The following ZNF532 variants were observed in gnomAD, a reference collection of about 807,000 sequenced individuals.
The protein encoded by ZNF532 is zinc finger protein 532.
Under a neutral mutation model 89.3 loss-of-function variants are expected in ZNF532, and 22 were observed. The observed-to-expected ratio is 0.25, with a 90% confidence interval of 0.18 to 0.35. The LOEUF is 0.35. Among genes scored for constraint, ZNF532 ranks in the 10% least tolerant of loss-of-function variants. The probability of loss-of-function intolerance (pLI) is 1.00; values close to 1 mark genes in which losing one functional copy is unlikely to be tolerated. For synonymous variants in ZNF532, 606 were observed against 649.6 expected (o/e 0.93, Z 1.02); for missense variants, 1,132 against 1,643.4 (o/e 0.69, Z 5.38).
At chr18:58,908,160 G>C (rs2060052055) in intron 2 of ZNF532, among the ~76,000 whole-genome samples, 1 of 152,190 alleles carries the variant, frequency 6.6e-6, no homozygotes, top group South Asian at 2.1e-4. Context: ...CCCTGGGGTT[G>C]AGTGTATGCT....
chr18:58,965,796 C>T (rs988785045), intron 7 of ZNF532, among the ~76,000 whole-genome samples: 1 of 152,138 alleles, frequency 6.6e-6, no homozygotes, highest in Non-Finnish European at 1.5e-5. Context: ...TTTAGAGTGG[C>T]TTGAATTTAG....
intron 3 of ZNF532, among the ~76,000 whole-genome samples, chr18:58,923,665 T>A (rs1292391924): frequency 6.6e-6 from 1 of 152,202 alleles, no homozygotes; most frequent in African/African-American, 2.4e-5. Context: ...CCTTCTCGTT[T>A]GCCAGTCACA....
At chr18:58,952,578 A>C (rs2064321002) in intron 6 of ZNF532, among the ~76,000 whole-genome samples, 1 of 151,926 alleles carries the variant, frequency 6.6e-6, no homozygotes, top group Non-Finnish European at 1.5e-5. Flanking sequence ...GTAATTTATT[A>C]ATCTTTTTGT....
At chr18:58,901,417 G>A (rs1233962179) in intron 2 of ZNF532, among the ~76,000 whole-genome samples, 1 of 152,206 alleles carries the variant, frequency 6.6e-6, no homozygotes, top group Non-Finnish European at 1.5e-5. Flanking sequence ...TAGAGCCATT[G>A]TGCAGAGGAG....
intron 7 of ZNF532, among the ~76,000 whole-genome samples, chr18:58,962,267 C>CGAGA (rs2065430429): frequency 6.6e-6 from 1 of 152,040 alleles, no homozygotes; most frequent in African/African-American, 2.4e-5. Flanking sequence ...TGACCTTTCT[C>CGAGA]CTCGGACACT....
At chr18:58,938,537 T>C (rs1201985728) in intron 4 of ZNF532, among the ~76,000 whole-genome samples, 3 of 152,262 alleles carry the variant, frequency 2.0e-5, no homozygotes, top group Non-Finnish European at 2.9e-5. Context: ...TTGTAATTCA[T>C]GCAATTTCTT....
At chr18:58,910,474 A>T (rs959286127) in intron 2 of ZNF532, among the ~76,000 whole-genome samples, 1 of 149,082 alleles carries the variant, frequency 6.7e-6, no homozygotes, top group Non-Finnish European at 1.5e-5. Flanking sequence ...TCTCTAGTTT[A>T]TTTTTTTTTT....
chr18:58,892,472 A>G (rs1251700491), intron 2 of ZNF532, among the ~76,000 whole-genome samples: 1 of 152,230 alleles, frequency 6.6e-6, no homozygotes, highest in Non-Finnish European at 1.5e-5. Flanking sequence ...GTATGCATTT[A>G]GAAATCTGTA....
chr18:58,904,351 CAA>C lies in ZNF532; in HGVS notation c.-17-13907_-17-13906del, dbSNP rs751898425. ...TAGGCAACCTAGTGAGACCTTGTCT[CAA>C]AAAAAAAAAAAATAATGTATATGGT... On this transcript the variant is annotated intron_variant, in intron 2 of 9. Transcript: ENST00000591808. Among the ~76,000 whole-genome samples the C allele has an allele frequency of 2.1e-3, 246 of 115,308 alleles. 1 individual carries two copies. The highest frequency in any genetic ancestry group is 9.6e-3 in the Middle Eastern group (2 of 208). 75.6% of individuals were successfully genotyped at this position (115,308 alleles called of 152,430 possible).
chr18:58,869,914 G>A (rs2056834116), intron 2 of ZNF532, among the ~76,000 whole-genome samples: 2 of 151,474 alleles, frequency 1.3e-5, no homozygotes, highest in South Asian at 2.1e-4. Flanking sequence ...TTACAGGTGC[G>A]TGCCACCATG....
At chr18:58,887,287 G>C (rs775879478) in intron 2 of ZNF532, among the ~76,000 whole-genome samples, 1 of 152,204 alleles carries the variant, frequency 6.6e-6, no homozygotes, top group Non-Finnish European at 1.5e-5. Context: ...GTTTTGAAAT[G>C]CTAACCTGAG....
chr18:58,974,768 C>T (rs966949397), intron 7 of ZNF532, among the ~76,000 whole-genome samples: 1 of 152,152 alleles, frequency 6.6e-6, no homozygotes, highest in Non-Finnish European at 1.5e-5. Flanking sequence ...CTAAGATTGC[C>T]CTCCTTCCCC....
chr18:58,876,100 T>G (rs2057405889), intron 2 of ZNF532, among the ~76,000 whole-genome samples: 1 of 151,800 alleles, frequency 6.6e-6, no homozygotes, highest in African/African-American at 2.4e-5. Context: ...GCCCGGCTAT[T>G]TTTTTTGTAT....
At chr18:58,955,088 A>G (rs2064630909) in intron 7 of ZNF532, among the ~76,000 whole-genome samples, 1 of 152,190 alleles carries the variant, frequency 6.6e-6, no homozygotes, top group East Asian at 1.9e-4. Context: ...ATTAGATTTG[A>G]ATTTTTTAGG....
chr18:58,906,562 A>G (rs1269714176), intron 2 of ZNF532, among the ~76,000 whole-genome samples: 1 of 152,132 alleles, frequency 6.6e-6, no homozygotes, highest in East Asian at 1.9e-4. Flanking sequence ...TCAGTGGAGA[A>G]TGGTGTGGGA....
intron 2 of ZNF532, among the ~76,000 whole-genome samples, chr18:58,886,884 T>C (rs960370284): frequency 1.3e-5 from 2 of 152,216 alleles, no homozygotes. Context: ...TTTTAGAATT[T>C]ATTGGTTGTG....
chr18:58,939,246 C>CAAAAAAAAAAAAAAAAAAAAAA (rs71336307), intron 4 of ZNF532, among the ~76,000 whole-genome samples, 199 bp from the exon 5 acceptor site: 6 of 34,508 alleles, frequency 1.7e-4, no homozygotes, highest in Non-Finnish European at 3.1e-4. Context: ...GACGTTGTCT[C>CAAAAAAAAAAAAAAAAAAAAAA]AAAAAAAAAA....
intron 2 of ZNF532, among the ~76,000 whole-genome samples, chr18:58,891,607 A>C (rs1160909536): frequency 6.6e-6 from 1 of 152,212 alleles, no homozygotes; most frequent in African/African-American, 2.4e-5. Context: ...ATGCTTTGTA[A>C]GTGTGATTAA....
chr18:58,911,530 T>G (rs916293245), intron 2 of ZNF532, among the ~76,000 whole-genome samples: 1 of 152,044 alleles, frequency 6.6e-6, no homozygotes, highest in African/African-American at 2.4e-5. Context: ...TTGAGACCAG[T>G]CTGGGTGAGA....
Sources: gnomAD v4.1 joint callset for allele counts (sites outside exome capture counted in the v4.1 genomes callset) on GRCh38, gnomAD v4.1.1 for gene constraint, MANE v1.5 for transcripts, NCBI Gene and HGNC (gene_info 2026-07-23, HGNC 2026-07-21) for gene names.